Variants in SUGCT observed in about 807,000 individuals in gnomAD.
SUGCT encodes the protein succinyl-CoA:glutarate CoA-transferase.
SUGCT carries 41 observed loss-of-function variants against 55.0 expected under a neutral mutation model. The ratio of observed to expected loss-of-function variants is 0.74; its 90% CI spans 0.58 to 0.97. SUGCT has a LOEUF of 0.97. Ranked by LOEUF, SUGCT falls within the 50% of genes least tolerant of loss-of-function variation. SUGCT has a pLI of 0.00. For synonymous variants in SUGCT, 187 were observed against 200.4 expected (o/e 0.93, Z 0.56); for missense variants, 568 against 547.8 (o/e 1.04, Z -0.37).
intron 13 of SUGCT, among the ~76,000 whole-genome samples, chr7:40,759,527 T>C (rs1788429974): frequency 6.6e-6 from 1 of 152,138 alleles, no homozygotes; most frequent in Admixed American, 6.6e-5. Context: ...TACCAACCAA[T>C]GTTAGTGTTG....
At chr7:40,343,989 T>C (rs541486027) in intron 9 of SUGCT, among the ~76,000 whole-genome samples, 1 of 152,338 alleles carries the variant, frequency 6.6e-6, no homozygotes, top group South Asian at 2.1e-4. Context: ...CTGCCTTCCA[T>C]GCAAACCTTA....
chr7:40,149,859 C>T (rs915956748), intron 1 of SUGCT, among the ~76,000 whole-genome samples: 1 of 152,170 alleles, frequency 6.6e-6, no homozygotes, highest in Admixed American at 6.5e-5. Context: ...TCGGAGGTTG[C>T]AGTGAGCTGA....
intron 12 of SUGCT, among the ~76,000 whole-genome samples, chr7:40,639,637 C>T (rs1210781195): frequency 6.6e-6 from 1 of 151,314 alleles, no homozygotes; most frequent in South Asian, 2.1e-4. Flanking sequence ...GCCTCACCCT[C>T]CTGAGTAGCT....
intron 8 of SUGCT, among the ~76,000 whole-genome samples, chr7:40,301,375 TCA>T (rs1436586413): frequency 6.6e-6 from 1 of 152,248 alleles, no homozygotes; most frequent in Non-Finnish European, 1.5e-5. Context: ...GTTTTTTAAA[TCA>T]CTGAGTTTGT....
At chr7:40,214,838 C>T (rs1461388014) in intron 6 of SUGCT, among the ~76,000 whole-genome samples, 9 of 151,524 alleles carry the variant, frequency 5.9e-5, no homozygotes, top group African/African-American at 1.7e-4. Context: ...CACTTGAACC[C>T]GGGAGGCGGA....
the SUGCT span, among the ~76,000 whole-genome samples, chr7:41,013,380 A>T: frequency 3.7e-4 from 56 of 152,310 alleles, no homozygotes; most frequent in Admixed American, 3.7e-3. Flanking sequence ...TCACAGACGA[A>T]CAAAAAACAA....
At chr7:40,558,712 G>T (rs1174877418) in intron 12 of SUGCT, among the ~76,000 whole-genome samples, 1 of 152,168 alleles carries the variant, frequency 6.6e-6, no homozygotes, top group African/African-American at 2.4e-5. Flanking sequence ...ACAACATTGA[G>T]AATGTACTTA....
At chr7:40,705,829 CT>C (rs1785371450) in intron 12 of SUGCT, among the ~76,000 whole-genome samples, 1 of 151,160 alleles carries the variant, frequency 6.6e-6, no homozygotes, top group Non-Finnish European at 1.5e-5. Flanking sequence ...CTGGCGGCTC[CT>C]TTCCATGGTG....
chr7:40,838,770 AC>A (rs1793124878), intron 13 of SUGCT, among the ~76,000 whole-genome samples: 1 of 152,128 alleles, frequency 6.6e-6, no homozygotes. Context: ...CTGGGCTAGA[AC>A]TTACAGTACT....
chr7:40,755,002 A>G (rs937574546), intron 13 of SUGCT, among the ~76,000 whole-genome samples: 1 of 152,214 alleles, frequency 6.6e-6, no homozygotes, highest in African/African-American at 2.4e-5. Flanking sequence ...TACATGAACA[A>G]TGTGAGTGCC....
intron 6 of SUGCT, among the ~76,000 whole-genome samples, chr7:40,208,670 G>A (rs1787147904): frequency 6.6e-6 from 1 of 151,802 alleles, no homozygotes; most frequent in Admixed American, 6.6e-5. Flanking sequence ...TCAGGCTCCT[G>A]AGTAGCTGGG....
At chr7:41,021,475 GACTT>G in the SUGCT span, among the ~76,000 whole-genome samples, 2 of 152,244 alleles carry the variant, frequency 1.3e-5, no homozygotes, top group Admixed American at 1.3e-4. Flanking sequence ...ATCAGATAAT[GACTT>G]ACTTTCTATG....
chr7:40,421,792 A>G (rs1323456364), intron 9 of SUGCT, among the ~76,000 whole-genome samples: 1 of 152,174 alleles, frequency 6.6e-6, no homozygotes, highest in Admixed American at 6.5e-5. Flanking sequence ...GATACTTGTA[A>G]TCACTCTTAG....
intron 12 of SUGCT, among the ~76,000 whole-genome samples, chr7:40,518,716 G>A (rs867181253): frequency 3.3e-5 from 5 of 152,066 alleles, no homozygotes; most frequent in Middle Eastern, 3.4e-3. Flanking sequence ...ATTCCAGGGT[G>A]GGTACAGGAA....
At chr7:40,556,698 T>C (rs564469175) in intron 12 of SUGCT, among the ~76,000 whole-genome samples, 1 of 152,346 alleles carries the variant, frequency 6.6e-6, no homozygotes, top group Admixed American at 6.5e-5. Context: ...GTGCTTCAGC[T>C]TTTTTATTCA....
chr7:40,406,666 T>C (rs1786387362), intron 9 of SUGCT, among the ~76,000 whole-genome samples: 1 of 152,190 alleles, frequency 6.6e-6, no homozygotes, highest in Non-Finnish European at 1.5e-5. Flanking sequence ...GATTAGGGTT[T>C]GTTCAATTGT....
In SUGCT at chr7:40,632,621, A is replaced by G. The variant is rs1403104786; in HGVS notation, c.1090-116813A>G. 1.3e-5 allele frequency among the ~76,000 whole-genome samples: 2 copies of G among 151,530 alleles called. 1 individual carries two copies. The highest frequency in any genetic ancestry group is 4.2e-4 in the South Asian group (2 of 4,736). ...CTATGCCTGAGTAAGAAGAAAAAGA[A>G]TGTTATGTATCTGTTTCCATACAGA... On this transcript the variant is annotated intron_variant, in intron 12 of 13. Coordinates refer to ENST00000335693, the MANE Select transcript of SUGCT (RefSeq NM_001193313.2).
intron 11 of SUGCT, among the ~76,000 whole-genome samples, chr7:40,491,992 A>AAAATAAATAAATAAATAAATAAAT (rs10669502): frequency 3.5e-4 from 52 of 150,128 alleles, no homozygotes; most frequent in African/African-American, 1.2e-3. Context: ...TCTGTTTCCA[A>AAAATAAATAAATAAATAAATAAAT]AAATAAATAA....
Position 40,841,197 on chromosome 7 carries a change from C to T in SUGCT, c.1154-19119C>T, listed in dbSNP as rs558500586. On this transcript the variant is annotated intron_variant, in intron 13 of 13. Coordinates refer to ENST00000335693, the MANE Select transcript of SUGCT (RefSeq NM_001193313.2). ...TAAACAAAATAAAATTTTGCTGACA[C>T]AGACAACAAAATGTATTAACACAAA... is the stretch of plus-strand genomic sequence containing the variant. 1.1e-4 allele frequency among the ~76,000 whole-genome samples: 16 copies of T among 152,004 alleles called. No homozygotes were observed. In the South Asian group the frequency reaches 3.3e-3, roughly 32 times the overall value.
Sources: gnomAD v4.1 joint callset for allele counts (sites outside exome capture counted in the v4.1 genomes callset) on GRCh38, gnomAD v4.1.1 for gene constraint, MANE v1.5 for transcripts, NCBI Gene and HGNC (gene_info 2026-07-23, HGNC 2026-07-21) for gene names.